CCDC73: variants seen among roughly 807,000 people sequenced by gnomAD.
The protein encoded by CCDC73 is coiled-coil domain containing 73.
CCDC73 carries 95 observed loss-of-function variants against 116.5 expected under a neutral mutation model. That is an observed-to-expected ratio of 0.82 (90% confidence interval 0.69 to 0.97). CCDC73 has a LOEUF of 0.97. Among genes scored for constraint, CCDC73 ranks in the 50% least tolerant of loss-of-function variants. The pLI is 0.00. For synonymous variants in CCDC73, 398 were observed against 401.3 expected, an observed-to-expected ratio of 0.99 and a Z score of 0.10; for missense variants, 1,066 against 1,206.8, an observed-to-expected ratio of 0.88 and a Z score of 1.73.
At chr11:32,792,333 T>C (rs901777457) in intron 1 of CCDC73, among the ~76,000 whole-genome samples, 8 of 152,068 alleles carry the variant, frequency 5.3e-5, no homozygotes, top group African/African-American at 1.9e-4. Flanking sequence ...CTGCTTATGG[T>C]AAAGGTAAGT....
chr11:32,715,356 TAAC>T (rs771678423), intron 3 of CCDC73, among the ~76,000 whole-genome samples: 84 of 152,176 alleles, frequency 5.5e-4, no homozygotes, highest in Non-Finnish European at 7.9e-4. Context: ...CAAGTTCTGA[TAAC>T]AAACTTTTCT....
intron 2 of CCDC73, among the ~76,000 whole-genome samples, chr11:32,724,142 T>C (rs1325608855): frequency 6.6e-6 from 1 of 152,128 alleles, no homozygotes; most frequent in Non-Finnish European, 1.5e-5. Flanking sequence ...TTATGGGGTA[T>C]TGAAATGCTG....
At chr11:32,658,008 C>T (rs1855889561) in intron 9 of CCDC73, among the ~76,000 whole-genome samples, 1 of 145,722 alleles carries the variant, frequency 6.9e-6, no homozygotes, top group Non-Finnish European at 1.5e-5. Flanking sequence ...AACCCACCCC[C>T]TACCCTAGTC....
At chr11:32,766,153 A>G (rs1365605897) in intron 1 of CCDC73, among the ~76,000 whole-genome samples, 4 of 152,250 alleles carry the variant, frequency 2.6e-5, no homozygotes, top group Non-Finnish European at 4.4e-5. Context: ...CTGGTTCAAC[A>G]TATGCAAATC....
the CCDC73 span, chr11:32,830,157 T>C: frequency 9.8e-7 from 1 of 1,018,312 alleles, no homozygotes; most frequent in East Asian, 8.9e-5. Context: ...TGCTGGAACA[T>C]GTGCGGGGGG....
At chr11:32,623,300 T>C (rs957112416) in intron 14 of CCDC73, among the ~76,000 whole-genome samples, 3 of 152,168 alleles carry the variant, frequency 2.0e-5, no homozygotes, top group Non-Finnish European at 2.9e-5. Context: ...CCACTATGCC[T>C]GGCCATAATA....
At chr11:32,792,251 G>A (rs1850683119) in intron 1 of CCDC73, among the ~76,000 whole-genome samples, 1 of 151,812 alleles carries the variant, frequency 6.6e-6, no homozygotes, top group Admixed American at 6.6e-5. Flanking sequence ...AATGTAATGG[G>A]TCTTGACCAG....
At chr11:32,742,695 A>G (rs1850199022) in intron 2 of CCDC73, among the ~76,000 whole-genome samples, 1 of 152,068 alleles carries the variant, frequency 6.6e-6, no homozygotes, top group Non-Finnish European at 1.5e-5. Context: ...TTTTGTTGCC[A>G]TTGCTTTTCG....
chr11:32,715,172 A>T (rs1849933553), intron 3 of CCDC73, among the ~76,000 whole-genome samples: 1 of 152,092 alleles, frequency 6.6e-6, no homozygotes, highest in African/African-American at 2.4e-5. Context: ...GTAAAAACAT[A>T]TTATTTATTA....
chr11:32,774,431 G>A (rs1245474617), intron 1 of CCDC73, among the ~76,000 whole-genome samples: 2 of 152,060 alleles, frequency 1.3e-5, no homozygotes, highest in African/African-American at 4.8e-5. Context: ...ATGAACGTGA[G>A]AAAAATAAAT....
intron 1 of CCDC73, among the ~76,000 whole-genome samples, chr11:32,761,707 G>A (rs1292184846): frequency 2.0e-5 from 3 of 152,016 alleles, no homozygotes; most frequent in African/African-American, 4.8e-5. Flanking sequence ...TATATATGGG[G>A]GGGTGTATGT....
intron 2 of CCDC73, among the ~76,000 whole-genome samples, chr11:32,757,212 C>T (rs993746927): frequency 2.0e-5 from 3 of 151,760 alleles, no homozygotes; most frequent in African/African-American, 7.3e-5. Context: ...GAATGATTCC[C>T]TTTATATAAA....
intron 2 of CCDC73, among the ~76,000 whole-genome samples, chr11:32,748,321 C>T (rs1316374546): frequency 2.0e-5 from 3 of 151,944 alleles, no homozygotes; most frequent in Non-Finnish European, 4.4e-5. Flanking sequence ...TTTGAGGTTA[C>T]CATTAGGCTT....
At chr11:32,737,273 G>T (rs1739847) in intron 2 of CCDC73, among the ~76,000 whole-genome samples, 19 of 131,644 alleles carry the variant, frequency 1.4e-4, no homozygotes, top group African/African-American at 5.5e-4. Flanking sequence ...GTGTGTGTGT[G>T]TATATACATG....
chr11:32,765,325 C>T (rs948071313), intron 1 of CCDC73, among the ~76,000 whole-genome samples: 1 of 152,200 alleles, frequency 6.6e-6, no homozygotes, highest in African/African-American at 2.4e-5. Flanking sequence ...CTTCTCAGCA[C>T]CACATCACAC....
In CCDC73 at chr11:32,748,031, T is replaced by G. The variant is rs188225054; in HGVS notation, c.135+12078A>C. ...AGAAATCACCCATCTTCTGCATCAG[T>G]CTCCCTGGGAGCTGTAGACCGAAGC... On this transcript the variant is annotated intron_variant, in intron 2 of 17. Coordinates refer to ENST00000335185, the MANE Select transcript of CCDC73 (RefSeq NM_001008391.4). Among the ~76,000 whole-genome samples, 8 of 152,312 alleles carry G rather than the reference T, an allele frequency of 5.3e-5. 1 individual carries two copies. The East Asian group carries it at 1.5e-3, about 29-fold the overall frequency.
At chr11:32,732,667 T>G (rs1000075575) in intron 2 of CCDC73, among the ~76,000 whole-genome samples, 60 of 152,244 alleles carry the variant, frequency 3.9e-4, no homozygotes, top group African/African-American at 1.0e-3. Flanking sequence ...CCAGCCAAAC[T>G]AAACTTCATA....
At position 32,629,921 on chromosome 11, in the gene CCDC73, C is replaced by CAAAAAAAAAAAAA. The variant is rs367693675; in HGVS notation, c.1185+5762_1185+5774dup. Among the ~76,000 whole-genome samples, 77 of 55,604 alleles carry CAAAAAAAAAAAAA rather than the reference C, an allele frequency of 1.4e-3. 1 individual carries two copies. The highest frequency in any genetic ancestry group is 1.9e-3 in the African/African-American group (33 of 17,532). The allele number at this position is 55,604 out of a possible 152,430, so 36.5% of individuals were successfully genotyped here. A position where few individuals can be genotyped will look rare whatever the true frequency, so the allele number is the denominator to read the frequency against. On this transcript the variant is annotated intron_variant, in intron 14 of 17. Transcript: ENST00000335185. ...GCTGGAAAGAATTCCAGCAGATATG[C>CAAAAAAAAAAAAA]AAAAAAAAAAAAACAAAAAAAAAAC...
chr11:32,703,061 T>A, intron 3 of CCDC73, 117 bp from the exon 4 acceptor site: 1 of 758,266 alleles, frequency 1.3e-6, no homozygotes, highest in Non-Finnish European at 2.3e-6. Flanking sequence ...TATTATTTTG[T>A]GTTCCTGGAA....
Sources: allele counts gnomAD v4.1 joint callset (sites outside exome capture counted in the v4.1 genomes callset), GRCh38; gene constraint gnomAD v4.1.1; transcripts MANE v1.5; gene names NCBI Gene and HGNC (gene_info 2026-07-23, HGNC 2026-07-21).